The following OPN3 variants were observed in gnomAD, a reference collection of about 807,000 sequenced individuals.
OPN3 encodes opsin-3.
A neutral mutation model predicts 33.8 loss-of-function variants in OPN3; 29 were observed. That is an observed-to-expected ratio of 0.86 (90% CI 0.64 to 1.17). OPN3 has a LOEUF of 1.17. Among genes scored for constraint, OPN3 ranks in the 50% most tolerant of loss-of-function variants. OPN3 has a pLI of 0.00. For missense variants in OPN3, 437 were observed against 514.1 expected, an observed-to-expected ratio of 0.85 and a Z score of 1.45; for synonymous variants, 216 against 216.1, an observed-to-expected ratio of 1.00 and a Z score of 0.00.
At chr1:241,635,905 C>T in intron 1 of OPN3, 4 of 776,948 alleles carry the variant, frequency 5.1e-6, no homozygotes, top group South Asian at 2.0e-5. Context: ...TTAACGGTTA[C>T]CCTTTTAAAA....
chr1:241,638,459 T>C (rs530318326), intron 1 of OPN3, among the ~76,000 whole-genome samples: 22 of 152,350 alleles, frequency 1.4e-4, no homozygotes, highest in Non-Finnish European at 3.2e-4. Context: ...AGAACTTTGA[T>C]GTCTGTGAAC....
At chr1:241,612,885 C>T (rs1664033971) in intron 1 of OPN3, among the ~76,000 whole-genome samples, 1 of 152,098 alleles carries the variant, frequency 6.6e-6, no homozygotes, top group Admixed American at 6.5e-5. Context: ...TCCTCATGGT[C>T]CCCTTAAAAA....
Position 241,597,922 on chromosome 1 carries a change from A to G in OPN3, c.769T>C (p.Cys257Arg). The G allele has an allele frequency of 6.2e-7, 1 of 1,613,986 alleles. No homozygotes were observed. The highest frequency in any genetic ancestry group is 8.5e-7 in the Non-Finnish European group (1 of 1,179,982). Residue 257 changes from cysteine to arginine, a missense_variant, in exon 3 of 4, where the codon TGC becomes CGC. Cys to Arg is a radical substitution (Grantham distance 180). Coordinates refer to ENST00000366554, the MANE Select transcript of OPN3 (RefSeq NM_014322.3). ...AGGAAGGTGAATATCATTAAAAAGC[A>G]CATTTTGGCCAGTTTCTTTTCATAT... ...LKYEKKLAKM[C>R]FLMIFTFLVC...
intron 1 of OPN3, among the ~76,000 whole-genome samples, chr1:241,613,268 T>A (rs1393035599): frequency 6.6e-6 from 1 of 152,180 alleles, no homozygotes; most frequent in Non-Finnish European, 1.5e-5. Context: ...TTAATCTTCA[T>A]AACAACTCTG....
At chr1:241,637,134 A>G (rs971255918) in intron 1 of OPN3, among the ~76,000 whole-genome samples, 1 of 152,194 alleles carries the variant, frequency 6.6e-6, no homozygotes, top group Non-Finnish European at 1.5e-5. Context: ...TAAACTTTCT[A>G]ATATTCATCA....
chr1:241,608,512 G>T (rs985893911), intron 1 of OPN3, among the ~76,000 whole-genome samples: 1 of 152,158 alleles, frequency 6.6e-6, no homozygotes, highest in Non-Finnish European at 1.5e-5. Context: ...GAGAGTGCAG[G>T]GATAGAGGAT....
In OPN3 at chr1:241,634,172, G is replaced by A. The variant is rs755671388; in HGVS notation, c.373+5710C>T. ...CTCGTTTATTTCTGTTTCAGTATAC[G>A]GAGTGAATAATTTCTTCACCACTGA... On this transcript the variant is annotated intron_variant, in intron 1 of 3. Transcript: ENST00000366554. 28 of 1,613,752 alleles carry A rather than the reference G, an allele frequency of 1.7e-5. 1 individual carries two copies. The highest frequency in any genetic ancestry group is 8.9e-5 in the East Asian group (4 of 44,882).
At position 241,594,603 on chromosome 1, in the gene OPN3, A is replaced by C. The variant is rs772149974; in HGVS notation, c.1034T>G (p.Met345Arg). The C allele has an allele frequency of 1.7e-5, 27 of 1,613,948 alleles. No homozygotes were observed. Among genetic ancestry groups the C allele is most frequent in the East Asian group, 2.2e-5 (1 of 44,892 alleles). ...AKDLPAAGSE[M>R]QIRPIVMSQK... ...TGACATCACAATGGGTCTGATCTGCATTTCACTTCCAGCTGCTGGTAGGTC... is the reference window on the plus strand; with the variant it reads ...TGACATCACAATGGGTCTGATCTGCCTTTCACTTCCAGCTGCTGGTAGGTC... The change falls in exon 4 of 4, where the codon ATG becomes AGG. Residue 345 changes from methionine (M) to arginine (R), a missense_variant. Met to Arg is a moderately conservative substitution (Grantham distance 91). Transcript: ENST00000366554.
intron 3 of OPN3, among the ~76,000 whole-genome samples, chr1:241,596,275 C>T (rs1402974612): frequency 6.6e-6 from 1 of 152,172 alleles, no homozygotes; most frequent in Non-Finnish European, 1.5e-5. Context: ...AAGTTATAAA[C>T]CATCTCACTA....
chr1:241,621,909 G>T (rs1664277560), intron 1 of OPN3, among the ~76,000 whole-genome samples: 1 of 152,178 alleles, frequency 6.6e-6, no homozygotes, highest in African/African-American at 2.4e-5. Context: ...GCAGGGTAAA[G>T]AGTGTTTCCA....
At chr1:241,598,391 C>T (rs781550756) in intron 2 of OPN3, among the ~76,000 whole-genome samples, 2 of 152,180 alleles carry the variant, frequency 1.3e-5, no homozygotes, top group African/African-American at 4.8e-5. Context: ...AGTGTTAGTC[C>T]TCCAGTTCTC....
chr1:241,610,307 G>T (rs1663956140), intron 1 of OPN3, among the ~76,000 whole-genome samples: 1 of 152,208 alleles, frequency 6.6e-6, no homozygotes. Context: ...ACAATTACAG[G>T]AATGTGATAA....
At chr1:241,624,701 T>C (rs1349176075) in intron 1 of OPN3, among the ~76,000 whole-genome samples, 1 of 152,192 alleles carries the variant, frequency 6.6e-6, no homozygotes, top group East Asian at 1.9e-4. Flanking sequence ...ATAAAACGTG[T>C]GAAGAAATCA....
intron 1 of OPN3, chr1:241,634,881 T>A (rs1367577329): frequency 6.2e-7 from 1 of 1,610,036 alleles, no homozygotes; most frequent in Non-Finnish European, 8.5e-7. Context: ...TTCATTAGCA[T>A]CCTCTTTTCA....
At chr1:241,612,218 T>C (rs1664019086) in intron 1 of OPN3, among the ~76,000 whole-genome samples, 1 of 152,194 alleles carries the variant, frequency 6.6e-6, no homozygotes, top group Non-Finnish European at 1.5e-5. Context: ...ACCTATAAAA[T>C]GGGGCAACTG....
Position 241,640,346 on chromosome 1 carries a change from C to G in OPN3, c.-92G>C. The G allele has an allele frequency of 2.8e-6, 3 of 1,062,790 alleles. No individual in the cohort carries two copies. The highest frequency in any genetic ancestry group is 3.4e-6 in the Non-Finnish European group (3 of 882,414). 65.8% of individuals were successfully genotyped at this position (1,062,790 alleles called of 1,614,324 possible). A position where few individuals can be genotyped will look rare whatever the true frequency, so the allele number is the denominator to read the frequency against. ...GCACTGGGTGGGGTTGGGGCTCCGC[C>G]GCCTGCTCTAGCCATTGTGCACTGA... On this transcript the variant is annotated 5_prime_UTR_variant, in exon 1 of 4. Transcript: ENST00000366554.
intron 1 of OPN3, among the ~76,000 whole-genome samples, chr1:241,607,567 GAAAGAAAGAA>G: frequency 8.7e-6 from 1 of 114,296 alleles, no homozygotes; most frequent in East Asian, 4.0e-4. Context: ...AAGGAAGAAA[GAAAGAAAGAA>G]AAGAAAGAAA....
At chr1:241,598,835 A>C (rs1426804856) in intron 2 of OPN3, among the ~76,000 whole-genome samples, 1 of 152,226 alleles carries the variant, frequency 6.6e-6, no homozygotes, top group African/African-American at 2.4e-5. Context: ...TAAACATTGT[A>C]ATAAGTTATA....
At chr1:241,627,247 T>C (rs1401913195) in intron 1 of OPN3, among the ~76,000 whole-genome samples, 1 of 152,154 alleles carries the variant, frequency 6.6e-6, no homozygotes, top group East Asian at 1.9e-4. Context: ...ATAAAAACTG[T>C]AATTTATAGG....
Sources: allele counts gnomAD v4.1 joint callset (sites outside exome capture counted in the v4.1 genomes callset), GRCh38; gene constraint gnomAD v4.1.1; transcripts MANE v1.5; gene names NCBI Gene and HGNC (gene_info 2026-07-23, HGNC 2026-07-21).